The following COL5A1 variants were observed in gnomAD, a reference collection of about 807,000 sequenced individuals.
COL5A1 encodes the protein collagen alpha-1(V) chain.
In COL5A1, 16 loss-of-function variants were observed where a neutral mutation model predicts 263.7. That is an observed-to-expected ratio of 0.06 (90% CI 0.04 to 0.09). The LOEUF is 0.09. COL5A1 is among the 10% of genes least tolerant of loss of function. COL5A1 has a pLI of 1.00. For synonymous variants in COL5A1, 1,012 were observed against 1,004.5 expected (o/e 1.01, Z -0.14); for missense variants, 2,036 against 2,540.5 (o/e 0.80, Z 4.27).
At chr9:134,671,219 C>T (rs1427777171) in intron 1 of COL5A1, among the ~76,000 whole-genome samples, 2 of 152,194 alleles carry the variant, frequency 1.3e-5, no homozygotes, top group Non-Finnish European at 2.9e-5. Flanking sequence ...GGAGAGCCCC[C>T]AGCTGCCCAC....
At chr9:134,695,104 T>A (rs1216271897) in intron 2 of COL5A1, among the ~76,000 whole-genome samples, 1 of 152,160 alleles carries the variant, frequency 6.6e-6, no homozygotes, top group African/African-American at 2.4e-5. Context: ...ATCCTCCTCC[T>A]CGGCTCTGGT....
intron 4 of COL5A1, among the ~76,000 whole-genome samples, chr9:134,715,255 T>C (rs77244590): frequency 0.011 from 1,661 of 152,244 alleles, 29 homozygotes; most frequent in African/African-American, 0.038. Flanking sequence ...TGCACATACA[T>C]AAACGTATCT....
intron 51 of COL5A1, 111 bp from the exon 52 acceptor site, chr9:134,815,824 C>T: frequency 7.2e-7 from 1 of 1,380,444 alleles, no homozygotes; most frequent in Non-Finnish European, 1.0e-6. Context: ...TCTGTGCTGG[C>T]ACCAGAATGG....
chr9:134,794,321 C>CT lies in COL5A1; in HGVS notation c.2701-760dup, dbSNP rs992738531. ...GCCTGGCGGCAGAGCAAGACTCTGT[C>CT]TAAAAAAAAAAAAAAAGAAACAAAA... On this transcript the variant is annotated intron_variant, in intron 32 of 65. Coordinates refer to ENST00000371817, the MANE Select transcript of COL5A1 (RefSeq NM_000093.5). This position sits in a 1 kb window ranked among gnomAD's most constrained non-coding sequence, Gnocchi z 4.3. 4.9e-5 allele frequency among the ~76,000 whole-genome samples: 5 copies of CT among 101,360 alleles called. No homozygotes were observed. Among genetic ancestry groups the CT allele is most frequent in the Non-Finnish European group, 1.0e-4 (5 of 48,314 alleles). 66.5% of individuals were successfully genotyped at this position (101,360 alleles called of 152,430 possible).
Position 134,834,951 on chromosome 9 carries a change from CA to C in COL5A1, c.5137-18del. ...TGTGTGTCCCCACCCTGCTGAGCCC[CA>C]ACACCCCTGTCCCCCCAGCTCTCCT... is the stretch of plus-strand genomic sequence containing the variant. On this transcript the variant is annotated intron_variant, in intron 64 of 65. Transcript: ENST00000371817. 6.3e-7 allele frequency: 1 copy of C among 1,584,594 alleles called. No homozygotes were observed. The highest frequency in any genetic ancestry group is 8.6e-7 in the Non-Finnish European group (1 of 1,156,542).
rs767907421 is a variant in COL5A1 at position 134,768,379 on chromosome 9, A to T, written c.2233-31A>T. The stretch of plus-strand genomic sequence containing the variant: ...GAGGTCAGGTGAGCCTAGGGAGGGC[A>T]TCTCCTCATGGAGTCTCTGGTTTGT... On this transcript the variant is annotated intron_variant, in intron 24 of 65. Transcript: ENST00000371817. The T allele has an allele frequency of 2.5e-6, 4 of 1,605,392 alleles. No homozygotes were observed. In the East Asian group the frequency reaches 8.9e-5, roughly 36 times the overall value.
At chr9:134,740,110 GTGGGGGCTTGGC>G (rs1400929750) in intron 11 of COL5A1, among the ~76,000 whole-genome samples, 1 of 152,216 alleles carries the variant, frequency 6.6e-6, no homozygotes, top group African/African-American at 2.4e-5. Flanking sequence ...ACAGAGTGGG[GTGGGGGCTTGGC>G]TGGCCTCTGG....
rs372871094 is a variant in COL5A1, at chr9:134,830,060, G to T, written c.5136+16G>T. The T allele has an allele frequency of 1.6e-5, 26 of 1,613,748 alleles. No individual in the cohort carries two copies. Among genetic ancestry groups the T allele is most frequent in the Non-Finnish European group, 2.2e-5 (26 of 1,179,928 alleles). On this transcript the variant is annotated intron_variant, in intron 64 of 65. Coordinates refer to ENST00000371817, the MANE Select transcript of COL5A1 (RefSeq NM_000093.5). ...TGGGAAACTGGTAAGGTGGCCTCTG[G>T]CGTCTTTGCGGTTGTCACTTTAAAC...
At chr9:134,737,271 T>A (rs1388491079) in intron 9 of COL5A1, among the ~76,000 whole-genome samples, 3 of 152,150 alleles carry the variant, frequency 2.0e-5, no homozygotes, top group Non-Finnish European at 4.4e-5. Context: ...TCAGTACCCA[T>A]GGGTGTCGCC....
At position 134,774,887 on chromosome 9, in the gene COL5A1, G is replaced by A. The variant is rs1836998077; in HGVS notation, c.2360G>A (p.Gly787Asp). The A allele has an allele frequency of 6.2e-7, 1 of 1,613,766 alleles. No individual in the cohort carries two copies. Among genetic ancestry groups the A allele is most frequent in the Non-Finnish European group, 8.5e-7 (1 of 1,179,922 alleles). Residue 787 changes from glycine to aspartate, a missense_variant, in exon 27 of 66, where the codon GGC becomes GAC. Around this residue, in one of 3 missense-constraint regions of COL5A1, gnomAD observed 1,078 missense variants for 1,521.4 expected, o/e 0.71. Transcript: ENST00000371817. The part of the protein sequence containing the change: ...QGPPGPQGPI[G>D]YPGPRGVKGA... ...CCACCTGGCCCCCAGGGTCCGATTG[G>A]CTACCCAGGTCCTCGAGGAGTCAAG...
intron 4 of COL5A1, among the ~76,000 whole-genome samples, chr9:134,726,806 G>A (rs886809967): frequency 6.7e-6 from 1 of 149,992 alleles, no homozygotes; most frequent in African/African-American, 2.5e-5. Context: ...ATATGCAGAT[G>A]GATTGATGGA....
intron 4 of COL5A1, among the ~76,000 whole-genome samples, chr9:134,719,497 G>A (rs1029580563): frequency 5.9e-5 from 9 of 152,224 alleles, no homozygotes; most frequent in Non-Finnish European, 4.4e-5. Context: ...GCCTGCAAGC[G>A]GGCCATGGGC....
Position 134,758,097 on chromosome 9 carries a change from A to G in COL5A1, c.1882-146A>G. ...AGATGCAAAGTGGGGGCCTATGGGG[A>G]GAGGGCTGGCCGATGGGGTTCAGGG... On this transcript the variant is annotated intron_variant, in intron 17 of 65. Coordinates refer to ENST00000371817, the MANE Select transcript of COL5A1 (RefSeq NM_000093.5). This position sits in a 1 kb window ranked among gnomAD's most constrained non-coding sequence, Gnocchi z 4.1. 1.3e-6 allele frequency: 1 copy of G among 760,692 alleles called. No homozygotes were observed. Among genetic ancestry groups the G allele is most frequent in the Non-Finnish European group, 2.3e-6 (1 of 430,576 alleles). 47.1% of individuals were successfully genotyped at this position (760,692 alleles called of 1,614,324 possible).
chr9:134,692,671 C>G (rs1176344672), intron 2 of COL5A1, among the ~76,000 whole-genome samples: 1 of 152,210 alleles, frequency 6.6e-6, no homozygotes, highest in Non-Finnish European at 1.5e-5. Flanking sequence ...TCACCCAATT[C>G]TGGGGTGTGG....
intron 1 of COL5A1, among the ~76,000 whole-genome samples, chr9:134,689,449 A>G (rs114941542): frequency 1.5e-3 from 222 of 152,288 alleles, no homozygotes; most frequent in African/African-American, 4.9e-3. Context: ...TCTAACTCCA[A>G]TTGGCATTAG....
intron 37 of COL5A1, 78 bp from the exon 38 acceptor site, chr9:134,801,876 C>T (rs1316248028): frequency 5.4e-6 from 7 of 1,307,930 alleles, no homozygotes; most frequent in African/African-American, 2.9e-5. Flanking sequence ...GGGGGGCAAG[C>T]GTCCTGCTGA....
intron 4 of COL5A1, chr9:134,709,034 T>C (rs1833942200): frequency 4.6e-6 from 2 of 433,044 alleles, no homozygotes; most frequent in African/African-American, 4.1e-5. Flanking sequence ...CCCATCCTAA[T>C]CTAGGATGTT....
At position 134,691,000 on chromosome 9, in the gene COL5A1, A is replaced by C. The variant is rs1463204835; in HGVS notation, c.198A>C (p.Arg66=). 3.1e-6 allele frequency: 5 copies of C among 1,613,686 alleles called. No homozygotes were observed. Among genetic ancestry groups the C allele is most frequent in the African/African-American group, 1.3e-5 (1 of 74,952 alleles). The change falls in exon 2 of 66, where the codon CGA becomes CGC. Residue 66 remains arginine (R), a synonymous_variant. Transcript: ENST00000371817. ...TKTTGFCATR[R]SSKGPDVAYR... is the part of the protein sequence containing the mutation. ...CAACAGGCTTTTGCGCCACGCGGCG[A>C]TCTTCCAAAGGCCCGGATGTCGCTT... is the stretch of plus-strand genomic sequence containing the variant.
At chr9:134,643,830 C>T (rs1831380583) in intron 1 of COL5A1, among the ~76,000 whole-genome samples, 1 of 152,156 alleles carries the variant, frequency 6.6e-6, no homozygotes, top group South Asian at 2.1e-4. Flanking sequence ...GGAGGGAGTC[C>T]TTCAGGGGAA....
Sources: gnomAD v4.1 joint callset for allele counts (sites outside exome capture counted in the v4.1 genomes callset) on GRCh38, gnomAD v4.1.1 for gene constraint, gnomAD v4.1.1 regional missense constraint, Gnocchi (gnomAD v3.1) non-coding constraint, MANE v1.5 for transcripts, NCBI Gene and HGNC (gene_info 2026-07-23, HGNC 2026-07-21) for gene names.